Variants in WNK1 observed in about 807,000 individuals in gnomAD.
The protein encoded by WNK1 is WNK lysine deficient protein kinase 1.
Under a neutral mutation model 222.8 loss-of-function variants are expected in WNK1, and 38 were observed. The observed-to-expected ratio is 0.17, with a 90% CI of 0.13 to 0.22. WNK1 has a LOEUF of 0.22. Ranked by LOEUF, WNK1 falls within the 10% of genes least tolerant of loss-of-function variation. WNK1 has a pLI of 1.00. For synonymous variants in WNK1, 1,090 were observed against 1,092.9 expected, an observed-to-expected ratio of 1.00 and a Z score of 0.05; for missense variants, 2,348 against 2,918.4, an observed-to-expected ratio of 0.80 and a Z score of 4.50.
Position 800,507 on chromosome 12 carries a change from G to A in WNK1, c.760-13135G>A, listed in dbSNP as rs1056999096. 6.6e-5 allele frequency among the ~76,000 whole-genome samples: 10 copies of A among 151,924 alleles called. No individual in the cohort carries two copies. The East Asian group carries it at 1.3e-3, about 20-fold the overall frequency. ...AACTTAAAATTTACCATTTTAAAAA[G>A]TATATTCTATTTCCTGAATTTTTTG... On this transcript the variant is annotated intron_variant, in intron 1 of 27. Transcript: ENST00000315939.
intron 1 of WNK1, among the ~76,000 whole-genome samples, chr12:772,117 T>TA (rs974493155): frequency 7.2e-5 from 11 of 152,168 alleles, no homozygotes; most frequent in Non-Finnish European, 1.5e-4. Flanking sequence ...AAAGATGCTT[T>TA]AAAAAATTAG....
At chr12:860,988 C>T (rs1208214161) in intron 6 of WNK1, 25 bp from the exon 7 acceptor site, 2 of 1,607,274 alleles carry the variant, frequency 1.2e-6, no homozygotes, top group Non-Finnish European at 1.7e-6. Flanking sequence ...TATACTACTG[C>T]TTAATTTACC....
chr12:905,764 C>A (rs1955642069), intron 26 of WNK1, among the ~76,000 whole-genome samples: 1 of 152,194 alleles, frequency 6.6e-6, no homozygotes, highest in South Asian at 2.1e-4. Flanking sequence ...GTTTTCTGTG[C>A]TCTCATGCTT....
chr12:828,026 A>G lies in WNK1; in HGVS notation c.1153+764A>G, dbSNP rs1448081234. On this transcript the variant is annotated intron_variant, in intron 3 of 27. Coordinates refer to ENST00000315939, the MANE Select transcript of WNK1 (RefSeq NM_018979.4). ...ATATTCAAGAATATTGGCCAAGCAC[A>G]ATGGCTCATGCCTGTAATCCCAGCA... is the stretch of plus-strand genomic sequence containing the variant. Among the ~76,000 whole-genome samples, 4 of 151,948 alleles carry G rather than the reference A, an allele frequency of 2.6e-5. 1 individual carries two copies. Among genetic ancestry groups the G allele is most frequent in the Admixed American group, 2.6e-4 (4 of 15,256 alleles).
intron 1 of WNK1, among the ~76,000 whole-genome samples, chr12:806,569 G>T (rs1414249491): frequency 6.6e-6 from 1 of 152,166 alleles, no homozygotes; most frequent in African/African-American, 2.4e-5. Flanking sequence ...TTATCTAAAG[G>T]GTAGGTTGAA....
intron 1 of WNK1, among the ~76,000 whole-genome samples, chr12:778,760 A>G (rs7976964): frequency 0.15 from 22,376 of 152,048 alleles, 1,860 homozygotes; most frequent in Middle Eastern, 0.21. Flanking sequence ...AGGACAGTAC[A>G]TGTAAACTCT....
chr12:866,073 G>GCTA (rs1951643458), intron 8 of WNK1, among the ~76,000 whole-genome samples: 2 of 151,936 alleles, frequency 1.3e-5, no homozygotes, highest in African/African-American at 4.8e-5. Context: ...GGTCCTTGCT[G>GCTA]CTTTTCCAAA....
At chr12:866,060 G>C (rs1429146807) in intron 8 of WNK1, among the ~76,000 whole-genome samples, 1 of 77,294 alleles carries the variant, frequency 1.3e-5, no homozygotes, top group Non-Finnish European at 3.1e-5. Flanking sequence ...TTTTAAGCAT[G>C]TGGGTCCTTG....
At chr12:869,316 G>T in intron 8 of WNK1, 1 of 640,634 alleles carries the variant, frequency 1.6e-6, no homozygotes, top group Non-Finnish European at 2.7e-6. Flanking sequence ...CCTATTATAT[G>T]TGAAAACCAG....
intron 1 of WNK1, among the ~76,000 whole-genome samples, chr12:808,151 T>G (rs1176060736): frequency 6.6e-6 from 1 of 152,216 alleles, no homozygotes; most frequent in Non-Finnish European, 1.5e-5. Context: ...TTTAACCCTG[T>G]TAGCTGCTTT....
chr12:764,665 T>C lies in WNK1; in HGVS notation c.759+10341T>C, dbSNP rs1422735386. Among the ~76,000 whole-genome samples, 12 of 88,224 alleles carry C rather than the reference T, an allele frequency of 1.4e-4. 1 individual carries two copies. Among genetic ancestry groups the C allele is most frequent in the East Asian group, 1.1e-3 (3 of 2,844 alleles). 57.9% of individuals were successfully genotyped at this position (88,224 alleles called of 152,430 possible). A position where few individuals can be genotyped will look rare whatever the true frequency, so the allele number is the denominator to read the frequency against. On this transcript the variant is annotated intron_variant, in intron 1 of 27. Transcript: ENST00000315939. Reference sequence around the variant, plus strand: ...AAAAAAAAAAAAAAAGAAAGAAAAATCATTAACATTCCCACTGAGAAACAG... The same window carrying C: ...AAAAAAAAAAAAAAAGAAAGAAAAACCATTAACATTCCCACTGAGAAACAG...
chr12:796,050 C>T (rs1162029579), intron 1 of WNK1, among the ~76,000 whole-genome samples: 9 of 151,956 alleles, frequency 5.9e-5, no homozygotes, highest in African/African-American at 1.9e-4. Flanking sequence ...TTTTTGTATG[C>T]GTTTGTAGAG....
At chr12:880,355 A>G (rs957980775) in intron 11 of WNK1, among the ~76,000 whole-genome samples, 1 of 152,214 alleles carries the variant, frequency 6.6e-6, no homozygotes, top group South Asian at 2.1e-4. Flanking sequence ...GGTATCAACA[A>G]AAAGCTTCGG....
intron 1 of WNK1, among the ~76,000 whole-genome samples, chr12:808,927 C>G (rs754737979): frequency 1.3e-5 from 2 of 151,982 alleles, no homozygotes; most frequent in Admixed American, 6.6e-5. Flanking sequence ...CCACGCCCGG[C>G]TAATTTTTGT....
chr12:860,615 T>G (rs1951134138), intron 6 of WNK1, among the ~76,000 whole-genome samples: 1 of 152,240 alleles, frequency 6.6e-6, no homozygotes, highest in Non-Finnish European at 1.5e-5. Flanking sequence ...GATTAAGTAG[T>G]TGCCTTGTAA....
At chr12:874,369 CAGATGCT>C (rs3072750) in intron 9 of WNK1, among the ~76,000 whole-genome samples, 47,907 of 151,876 alleles carry the variant, frequency 0.32, 8,105 homozygotes, top group East Asian at 0.52. Flanking sequence ...CACTTCTCCC[CAGATGCT>C]CTAAGATGTA....
At chr12:796,520 C>G (rs1358114047) in intron 1 of WNK1, among the ~76,000 whole-genome samples, 2 of 152,168 alleles carry the variant, frequency 1.3e-5, no homozygotes, top group Admixed American at 6.5e-5. Flanking sequence ...AGGTGATCCA[C>G]CCACCTTGGC....
chr12:774,498 T>G (rs909575462), intron 1 of WNK1, among the ~76,000 whole-genome samples: 2 of 152,300 alleles, frequency 1.3e-5, no homozygotes, highest in Admixed American at 1.3e-4. Context: ...GGGCTTGGAA[T>G]AGGAGAAGGG....
chr12:890,289 T>C (rs1250989391), intron 21 of WNK1, among the ~76,000 whole-genome samples, 164 bp from the exon 22 acceptor site: 2 of 152,154 alleles, frequency 1.3e-5, no homozygotes, highest in Non-Finnish European at 2.9e-5. Flanking sequence ...ACTTTTAGAC[T>C]TTAAAAGAAA....
Sources: allele counts gnomAD v4.1 joint callset (sites outside exome capture counted in the v4.1 genomes callset), GRCh38; gene constraint gnomAD v4.1.1; transcripts MANE v1.5; gene names NCBI Gene and HGNC (gene_info 2026-07-23, HGNC 2026-07-21).